Variants in DENND4A observed in about 807,000 individuals in gnomAD.
DENND4A encodes the protein DENN domain containing 4A.
DENND4A carries 70 observed loss-of-function variants against 199.3 expected under a neutral mutation model. That is an observed-to-expected ratio of 0.35 (90% CI 0.29 to 0.43). The LOEUF (loss-of-function observed/expected upper bound fraction) is 0.43, where lower values mean the gene tolerates loss of function less well. DENND4A is among the 20% of genes least tolerant of loss of function. The pLI, the probability that DENND4A is intolerant of heterozygous loss-of-function variation, is 1.00. For missense variants in DENND4A, 1,723 were observed against 2,255.8 expected, an observed-to-expected ratio of 0.76 and a Z score of 4.78; for synonymous variants, 686 against 766.9, an observed-to-expected ratio of 0.89 and a Z score of 1.74.
In DENND4A at chr15:65,731,398, C is replaced by A. The variant is rs1326351592; in HGVS notation, c.1166+244G>T. The A allele has an allele frequency of 5.7e-6, 3 of 530,080 alleles. No individual in the cohort carries two copies. In the African/African-American group the frequency reaches 5.7e-5, roughly 10 times the overall value. The allele number at this position is 530,080 out of a possible 1,614,324, so 32.8% of individuals were successfully genotyped here. A position where few individuals can be genotyped will look rare whatever the true frequency, so the allele number is the denominator to read the frequency against. ...ATCTACATACATAAATACACACACA[C>A]ACACACTTACACAATAGTAGGTATT... On this transcript the variant is annotated intron_variant, in intron 9 of 32. Transcript: ENST00000443035.
At chr15:65,749,874 A>G (rs1417066025) in intron 4 of DENND4A, among the ~76,000 whole-genome samples, 1 of 152,198 alleles carries the variant, frequency 6.6e-6, no homozygotes, top group East Asian at 1.9e-4. Context: ...CAAAATGGTC[A>G]GCATACTCAT....
chr15:65,737,667 A>G lies in DENND4A; in HGVS notation c.1040+40T>C, dbSNP rs1022639962. 19 of 1,523,604 alleles carry G rather than the reference A, an allele frequency of 1.2e-5. No individual in the cohort carries two copies. The East Asian group carries it at 1.7e-4, about 14-fold the overall frequency. 94.4% of individuals were successfully genotyped at this position (1,523,604 alleles called of 1,614,324 possible). A position where few individuals can be genotyped will look rare whatever the true frequency, so the allele number is the denominator to read the frequency against. On this transcript the variant is annotated intron_variant, in intron 7 of 32. Coordinates refer to ENST00000443035, the MANE Select transcript of DENND4A (RefSeq NM_001320835.1). The stretch of plus-strand genomic sequence containing the variant: ...CCGACACAAATTTGCCACATAATGG[A>G]AAGATCTGTCAAATGTTGAACCAAG...
intron 2 of DENND4A, among the ~76,000 whole-genome samples, chr15:65,758,040 CTT>C (rs1397976534): frequency 6.6e-6 from 1 of 152,046 alleles, no homozygotes; most frequent in Non-Finnish European, 1.5e-5. Flanking sequence ...TAAAACAGTT[CTT>C]GAGGGTACAG....
At chr15:65,698,500 T>G (rs2077232211) in intron 20 of DENND4A, among the ~76,000 whole-genome samples, 1 of 152,108 alleles carries the variant, frequency 6.6e-6, no homozygotes, top group African/African-American at 2.4e-5. Context: ...TATTACTATA[T>G]GAGACTATAT....
At chr15:65,740,316 G>A (rs1193143985) in intron 5 of DENND4A, among the ~76,000 whole-genome samples, 1 of 150,882 alleles carries the variant, frequency 6.6e-6, no homozygotes, top group Non-Finnish European at 1.5e-5. Flanking sequence ...AAGAAATATT[G>A]ATGAGAGCCA....
intron 28 of DENND4A, 101 bp from the exon 29 acceptor site, chr15:65,667,804 A>T: frequency 6.7e-7 from 1 of 1,486,686 alleles, no homozygotes; most frequent in Non-Finnish European, 9.1e-7. Context: ...ATATAATTGT[A>T]TCATGGGATA....
At chr15:65,687,273 A>G (rs911985013) in intron 23 of DENND4A, among the ~76,000 whole-genome samples, 1 of 152,212 alleles carries the variant, frequency 6.6e-6, no homozygotes, top group African/African-American at 2.4e-5. Context: ...TATAACTATA[A>G]TGAAGGTCTG....
chr15:65,787,699 G>A (rs1036924299), intron 1 of DENND4A, among the ~76,000 whole-genome samples: 1 of 152,162 alleles, frequency 6.6e-6, no homozygotes, highest in African/African-American at 2.4e-5. Flanking sequence ...ATGAGCACCA[G>A]GAAAAAGATA....
In DENND4A at chr15:65,768,855, G is replaced by A. The variant is rs559407297; in HGVS notation, c.-101-7417C>T. On this transcript the variant is annotated intron_variant, in intron 1 of 32. Transcript: ENST00000443035. ...AAAAAAAAGAAAAAAATAGCCGGAC[G>A]TGGTGGCGGGTGCCTGTAATCCCAG... Among the ~76,000 whole-genome samples the A allele has an allele frequency of 2.2e-4, 34 of 151,998 alleles. No individual in the cohort carries two copies. The East Asian group carries it at 4.1e-3, about 18-fold the overall frequency.
Position 65,706,165 on chromosome 15 carries a change from A to G in DENND4A, c.2013T>C (p.Ser671=). 2 of 1,607,348 alleles carry G rather than the reference A, an allele frequency of 1.2e-6. No homozygotes were observed. The highest frequency in any genetic ancestry group is 1.7e-6 in the Non-Finnish European group (2 of 1,176,902). Residue 671 remains serine, a synonymous_variant, in exon 15 of 33, where the codon AGT becomes AGC. Transcript: ENST00000443035. ...RLIELDESFK[S]EHTVFVTPPE... is the part of the protein sequence containing the mutation. ...GTGGTGTTACAAAAACAGTGTGTTC[A>G]CTTTTGAAAGATTCATCCAGTTCTA...
chr15:65,720,609 A>T (rs1266603413), intron 12 of DENND4A, among the ~76,000 whole-genome samples: 1 of 151,260 alleles, frequency 6.6e-6, no homozygotes, highest in Non-Finnish European at 1.5e-5. Context: ...ACGGGGTTTT[A>T]CTATGTCGGC....
chr15:65,723,028 A>C (rs1214705836), intron 11 of DENND4A, 80 bp from the exon 12 acceptor site: 1 of 1,081,022 alleles, frequency 9.3e-7, no homozygotes, highest in Non-Finnish European at 1.3e-6. Flanking sequence ...ATATATAAAA[A>C]CGGGAAAAGA....
At chr15:65,733,697 A>C in intron 7 of DENND4A, among the ~76,000 whole-genome samples, 1 of 152,228 alleles carries the variant, frequency 6.6e-6, no homozygotes, top group Non-Finnish European at 1.5e-5. Context: ...GTGTCTGTGT[A>C]GAAAGAAGTA....
chr15:65,697,343 A>T lies in DENND4A; in HGVS notation c.2874T>A (p.Asp958Glu), dbSNP rs908394986. 1.9e-6 allele frequency: 3 copies of T among 1,606,700 alleles called. No individual in the cohort carries two copies. The African/African-American group carries it at 4.0e-5, about 22-fold the overall frequency. Residue 958 changes from aspartate to glutamate, a missense_variant, in exon 21 of 33, where the codon GAT becomes GAA. Physicochemically the swap from Asp to Glu is conservative, Grantham distance 45. Transcript: ENST00000443035. ...TAGATGTATCCCCTCTTCTAACTTCATCTTTAGATAATGAATTATATCCAA... is the reference window on the plus strand; with the variant it reads ...TAGATGTATCCCCTCTTCTAACTTCTTCTTTAGATAATGAATTATATCCAA... The part of the protein sequence containing the change: ...SDLGYNSLSK[D>E]EVRRGDTSTE...
In DENND4A at chr15:65,690,820, G is replaced by A; in HGVS notation, c.3774C>T (p.Asn1258=). 6.2e-7 allele frequency: 1 copy of A among 1,613,320 alleles called. No individual in the cohort carries two copies. The highest frequency in any genetic ancestry group is 8.5e-7 in the Non-Finnish European group (1 of 1,179,718). ...LAEEIVMYMN[N]MSSPLTSRTP... Reference sequence around the variant, plus strand: ...TACGACTTGTCAAAGGACTGCTCATGTTATTCATATACATCACAATTTCTT... The same window carrying A: ...TACGACTTGTCAAAGGACTGCTCATATTATTCATATACATCACAATTTCTT... Residue 1258 remains asparagine (N), a synonymous_variant, in exon 23 of 33, where the codon AAC becomes AAT. Transcript: ENST00000443035.
chr15:65,777,408 A>G (rs1037173742), intron 1 of DENND4A, among the ~76,000 whole-genome samples: 2 of 151,666 alleles, frequency 1.3e-5, no homozygotes, highest in Non-Finnish European at 2.9e-5. Flanking sequence ...GCTGGGGTGC[A>G]GTGCCACGAT....
Position 65,715,464 on chromosome 15 carries a change from G to T in DENND4A, c.1953+14C>A, listed in dbSNP as rs377509823. 6.2e-7 allele frequency: 1 copy of T among 1,600,550 alleles called. No individual in the cohort carries two copies. Among genetic ancestry groups the T allele is most frequent in the Non-Finnish European group, 8.5e-7 (1 of 1,175,850 alleles). Reference sequence around the variant, plus strand: ...CAAAATAAGTTAGGGCATTGTAGATGTACTGTTACTTACTTTATCTACACA... The same window carrying T: ...CAAAATAAGTTAGGGCATTGTAGATTTACTGTTACTTACTTTATCTACACA... On this transcript the variant is annotated intron_variant, in intron 14 of 32. Transcript: ENST00000443035.
chr15:65,768,324 T>G (rs975066401), intron 1 of DENND4A, among the ~76,000 whole-genome samples: 2 of 151,874 alleles, frequency 1.3e-5, no homozygotes, highest in East Asian at 1.9e-4. Context: ...GCCTGTTTTT[T>G]TCGTTTTGTT....
chr15:65,731,668 C>G lies in DENND4A; in HGVS notation c.1140G>C (p.Gln380His). Residue 380 changes from glutamine to histidine, a missense_variant, in exon 9 of 33, where the codon CAG becomes CAC. This residue lies in a region of DENND4A where 725 missense variants were observed against 952.9 expected (regional missense o/e 0.76). Transcript: ENST00000443035. ...TTAGTGGAAGAGGTGAAGACACAGG[C>G]TGACTGAGAATCAGATTATCATGTG... ...LSPHDNLILS[Q>H]PVSSPLPLSG... The G allele has an allele frequency of 6.4e-7, 1 of 1,560,522 alleles. No homozygotes were observed. Among genetic ancestry groups the G allele is most frequent in the Non-Finnish European group, 8.7e-7 (1 of 1,150,982 alleles).
Sources: gnomAD v4.1 joint callset for allele counts (sites outside exome capture counted in the v4.1 genomes callset) on GRCh38, gnomAD v4.1.1 for gene constraint, gnomAD v4.1.1 regional missense constraint, MANE v1.5 for transcripts, NCBI Gene and HGNC (gene_info 2026-07-23, HGNC 2026-07-21) for gene names.